RHBG: variants seen among roughly 807,000 people sequenced by gnomAD.
RHBG encodes ammonium transporter Rh type B.
In RHBG, 39 loss-of-function variants were observed where a neutral mutation model predicts 40.1. The ratio of observed to expected loss-of-function variants is 0.97; its 90% confidence interval spans 0.75 to 1.27. The LOEUF is 1.27. Among genes scored for constraint, RHBG ranks in the 50% most tolerant of loss-of-function variants. The pLI is 0.00. For synonymous variants in RHBG, 237 were observed against 252.5 expected, an observed-to-expected ratio of 0.94 and a Z score of 0.58; for missense variants, 549 against 588.1, an observed-to-expected ratio of 0.93 and a Z score of 0.69.
chr1:156,382,427 T>C (rs1667721508), intron 7 of RHBG: 1 of 651,970 alleles, frequency 1.5e-6, no homozygotes, highest in South Asian at 1.9e-5. Flanking sequence ...GAGTGTTACT[T>C]GTTACTGAAG....
intron 5 of RHBG, 75 bp downstream of exon 5, chr1:156,381,588 A>C: frequency 6.6e-7 from 1 of 1,507,110 alleles, no homozygotes; most frequent in Non-Finnish European, 8.9e-7. Context: ...ACCCTCAAGA[A>C]AGATTCTCCC....
chr1:156,384,884 A>T lies in RHBG; in HGVS notation c.*39A>T, dbSNP rs1457086151. 7.4e-7 allele frequency: 1 copy of T among 1,354,886 alleles called. No homozygotes were observed. The highest frequency in any genetic ancestry group is 1.0e-6 in the Non-Finnish European group (1 of 959,282). 83.9% of individuals were successfully genotyped at this position (1,354,886 alleles called of 1,614,324 possible). ...CCTGAGAGGACACGCTCCTTTTCGAAGATGCTGACTGGCTGCTACTAGGAA... is the reference window on the plus strand; with the variant it reads ...CCTGAGAGGACACGCTCCTTTTCGATGATGCTGACTGGCTGCTACTAGGAA... On this transcript the variant is annotated 3_prime_UTR_variant, in exon 10 of 10. Transcript: ENST00000537040.
chr1:156,380,382 T>G (rs1297121203), intron 4 of RHBG, among the ~76,000 whole-genome samples: 2 of 152,020 alleles, frequency 1.3e-5, no homozygotes, highest in Non-Finnish European at 2.9e-5. Flanking sequence ...ATTATAGGCA[T>G]GACCCACTGT....
rs750840184 is a variant in RHBG at position 156,382,821 on chromosome 1, G to A, written c.1186G>A (p.Gly396Arg). 2.8e-5 allele frequency: 45 copies of A among 1,614,110 alleles called. No homozygotes were observed. The highest frequency in any genetic ancestry group is 1.1e-4 in the East Asian group (5 of 44,892). ...GTCACAGGCCATGCACCAGCTCTTC[G>A]GGCTGTTTGTCACACTGATGTTTGC... ...ATSQAMHQLF[G>R]LFVTLMFASV... Residue 396 changes from glycine (G) to arginine (R), a missense_variant, in exon 8 of 10, where the codon GGG becomes AGG. Around this residue, in one of 3 missense-constraint regions of RHBG, gnomAD observed 399 missense variants for 417.0 expected, o/e 0.96. Transcript: ENST00000537040.
chr1:156,381,355 T>C lies in RHBG; in HGVS notation c.682T>C (p.Phe228Leu), dbSNP rs745723194. The change falls in exon 5 of 10, where the codon TTC becomes CTC. Residue 228 changes from phenylalanine to leucine, a missense_variant. By Grantham distance (22) the Phe-to-Leu change is conservative. Around this residue, in one of 3 missense-constraint regions of RHBG, gnomAD observed 399 missense variants for 417.0 expected, o/e 0.96. Transcript: ENST00000537040. ...GTCTGTCCACCATCTAGGGACCATC[T>C]TCCTGTGGATCTTCTGGCCTAGCTT... ...SDLFAMIGTI[F>L]LWIFWPSFNA... 1 of 1,614,162 alleles carries C rather than the reference T, an allele frequency of 6.2e-7. No individual in the cohort carries two copies. Among genetic ancestry groups the C allele is most frequent in the Non-Finnish European group, 8.5e-7 (1 of 1,180,048 alleles).
At position 156,377,368 on chromosome 1, in the gene RHBG, CGGCTTCAGCAGCGTG is replaced by C. The variant is rs768683079; in HGVS notation, c.263_277del (p.Ser88_Phe92del). ...TCCTCATGGTCTTCCTGCAGCGTTA[CGGCTTCAGCAGCGTG>C]GGCTTCACCTTCCTCCTGGCCGCCT... On this transcript the variant is annotated inframe_deletion, in exon 2 of 10. Transcript: ENST00000537040. This position sits in a 1 kb window ranked among gnomAD's most constrained non-coding sequence, Gnocchi z 4.6. 7 of 1,614,034 alleles carry C rather than the reference CGGCTTCAGCAGCGTG, an allele frequency of 4.3e-6. No homozygotes were observed. The highest frequency in any genetic ancestry group is 5.9e-6 in the Non-Finnish European group (7 of 1,179,964).
rs540650249 is a variant in RHBG, at chr1:156,384,881, C to T, written c.*36C>T. 48 of 1,380,742 alleles carry T rather than the reference C, an allele frequency of 3.5e-5. 1 individual carries two copies. In the Admixed American group the frequency reaches 6.2e-4, roughly 18 times the overall value. 85.5% of individuals were successfully genotyped at this position (1,380,742 alleles called of 1,614,324 possible). ...GCCCCTGAGAGGACACGCTCCTTTTCGAAGATGCTGACTGGCTGCTACTAG... is the reference window on the plus strand; with the variant it reads ...GCCCCTGAGAGGACACGCTCCTTTTTGAAGATGCTGACTGGCTGCTACTAG... On this transcript the variant is annotated 3_prime_UTR_variant, in exon 10 of 10. Transcript: ENST00000537040.
intron 1 of RHBG, among the ~76,000 whole-genome samples, chr1:156,372,078 G>A (rs1470138332): frequency 6.6e-6 from 1 of 152,178 alleles, no homozygotes; most frequent in East Asian, 1.9e-4. Context: ...CCAGAGGGAG[G>A]TGCAGCCACT....
At chr1:156,383,061 A>G (rs1667776942) in intron 8 of RHBG, among the ~76,000 whole-genome samples, 192 bp downstream of exon 8, 1 of 152,122 alleles carries the variant, frequency 6.6e-6, no homozygotes, top group African/African-American at 2.4e-5. Flanking sequence ...TCTGGTGCCG[A>G]GGGCAGCTGG....
chr1:156,380,170 G>T (rs1667522787), intron 4 of RHBG, among the ~76,000 whole-genome samples: 1 of 145,122 alleles, frequency 6.9e-6, no homozygotes, highest in South Asian at 2.2e-4. Context: ...GAGTGCAGTG[G>T]CATGATCTTG....
intron 1 of RHBG, among the ~76,000 whole-genome samples, chr1:156,374,369 T>G (rs1667047906): frequency 6.6e-6 from 1 of 152,196 alleles, no homozygotes; most frequent in Non-Finnish European, 1.5e-5. Context: ...TGTAATTAAC[T>G]GTAATTTTGT....
intron 1 of RHBG, among the ~76,000 whole-genome samples, chr1:156,375,261 C>T (rs549925136): frequency 9.3e-4 from 142 of 151,988 alleles, no homozygotes; most frequent in Admixed American, 5.0e-3. Context: ...TTAGTAGAGA[C>T]GGGGTTTCGC....
intron 7 of RHBG, 163 bp downstream of exon 7, chr1:156,382,364 C>T: frequency 1.1e-6 from 1 of 929,224 alleles, no homozygotes; most frequent in Non-Finnish European, 1.7e-6. Context: ...CAGAAACTGC[C>T]TTCCTGGTCC....
At chr1:156,373,947 A>G (rs138768656) in intron 1 of RHBG, among the ~76,000 whole-genome samples, 14 of 152,182 alleles carry the variant, frequency 9.2e-5, no homozygotes, top group Non-Finnish European at 1.6e-4. Context: ...TTTATCATTT[A>G]TTTGTGTTGG....
At chr1:156,378,453 C>T in intron 4 of RHBG, 54 bp downstream of exon 4, 1 of 1,531,486 alleles carries the variant, frequency 6.5e-7, no homozygotes. Flanking sequence ...GAGGCCTCAT[C>T]TGGGCCAGAG....
chr1:156,380,778 T>G (rs746168867), intron 4 of RHBG, among the ~76,000 whole-genome samples: 97 of 143,500 alleles, frequency 6.8e-4, no homozygotes, highest in Non-Finnish European at 1.3e-3. Context: ...TTCAACAAAG[T>G]AGTTTCTTTT....
chr1:156,380,291 A>G (rs1667531423), intron 4 of RHBG, among the ~76,000 whole-genome samples: 1 of 151,786 alleles, frequency 6.6e-6, no homozygotes, highest in Non-Finnish European at 1.5e-5. Flanking sequence ...TAGTAGAGAC[A>G]GGTTTTCACC....
In RHBG at chr1:156,377,591, G is replaced by A. The variant is rs1380952790; in HGVS notation, c.374+104G>A. The A allele has an allele frequency of 2.5e-6, 3 of 1,219,938 alleles. No individual in the cohort carries two copies. The highest frequency in any genetic ancestry group is 3.4e-6 in the Non-Finnish European group (3 of 884,072). 75.6% of individuals were successfully genotyped at this position (1,219,938 alleles called of 1,614,324 possible). A position where few individuals can be genotyped will look rare whatever the true frequency, so the allele number is the denominator to read the frequency against. ...CCTTCAAGTCTGCTTCCTGACTCAC[G>A]ATTCTGGGCGTCACTTGGTTTCTCT... On this transcript the variant is annotated intron_variant, in intron 2 of 9. Coordinates refer to ENST00000537040, the MANE Select transcript of RHBG (RefSeq NM_020407.5). This position sits in a 1 kb window ranked among gnomAD's most constrained non-coding sequence, Gnocchi z 4.6.
chr1:156,370,623 A>T (rs1666783576), intron 1 of RHBG, among the ~76,000 whole-genome samples: 1 of 149,224 alleles, frequency 6.7e-6, no homozygotes, highest in South Asian at 2.1e-4. Flanking sequence ...TCAAAAAAAA[A>T]AAAAAAAAAA....
Sources: allele counts gnomAD v4.1 joint callset (sites outside exome capture counted in the v4.1 genomes callset), GRCh38; gene constraint gnomAD v4.1.1; regional missense constraint gnomAD v4.1.1; non-coding constraint Gnocchi (gnomAD v3.1); transcripts MANE v1.5; gene names NCBI Gene and HGNC (gene_info 2026-07-23, HGNC 2026-07-21).